The following SLMAP variants were observed in gnomAD, a reference collection of about 807,000 sequenced individuals.
The protein encoded by SLMAP is sarcolemma associated protein.
In SLMAP, 44 loss-of-function variants were observed where a neutral mutation model predicts 128.8. The observed-to-expected ratio is 0.34, with a 90% confidence interval of 0.27 to 0.44. The LOEUF is 0.44. Among genes scored for constraint, SLMAP ranks in the 20% least tolerant of loss-of-function variants. The pLI, the probability that SLMAP is intolerant of heterozygous loss-of-function variation, is 1.00. For synonymous variants in SLMAP, 327 were observed against 348.8 expected, an observed-to-expected ratio of 0.94 and a Z score of 0.70; for missense variants, 787 against 985.3, an observed-to-expected ratio of 0.80 and a Z score of 2.69.
intron 2 of SLMAP, chr3:57,801,011 G>A: frequency 3.8e-6 from 1 of 262,966 alleles, no homozygotes; most frequent in South Asian, 5.3e-5. Context: ...TCTTTGTCCT[G>A]TAAGCTCTAC....
chr3:57,839,588 C>T (rs1042603124), intron 3 of SLMAP, among the ~76,000 whole-genome samples: 6 of 151,568 alleles, frequency 4.0e-5, no homozygotes, highest in African/African-American at 7.3e-5. Flanking sequence ...ATTGCAGGCA[C>T]CTGCCACCAT....
At chr3:57,884,191 T>C (rs1308311564) in intron 14 of SLMAP, among the ~76,000 whole-genome samples, 1 of 152,088 alleles carries the variant, frequency 6.6e-6, no homozygotes, top group Non-Finnish European at 1.5e-5. Context: ...GGTCTCCCAA[T>C]GTGCTGGGAT....
chr3:57,841,658 A>C (rs1248480427), intron 4 of SLMAP, among the ~76,000 whole-genome samples: 1 of 152,112 alleles, frequency 6.6e-6, no homozygotes, highest in Non-Finnish European at 1.5e-5. Context: ...ACAATGTTTC[A>C]AGTATATAAG....
intron 2 of SLMAP, among the ~76,000 whole-genome samples, chr3:57,771,791 A>T (rs1351784654): frequency 6.6e-6 from 1 of 152,162 alleles, no homozygotes; most frequent in Non-Finnish European, 1.5e-5. Context: ...TGAATGCGTG[A>T]AACTTTTTTG....
chr3:57,829,337 A>C (rs563928365), intron 2 of SLMAP, among the ~76,000 whole-genome samples: 7 of 152,178 alleles, frequency 4.6e-5, no homozygotes, highest in Non-Finnish European at 1.0e-4. Flanking sequence ...GTAACCCACT[A>C]ATGTATCAGA....
At chr3:57,921,897 G>A (rs924598482) in intron 22 of SLMAP, among the ~76,000 whole-genome samples, 2 of 152,080 alleles carry the variant, frequency 1.3e-5, no homozygotes, top group Admixed American at 6.5e-5. Context: ...TAGAGGTGGG[G>A]TTTTGCCATG....
chr3:57,877,348 T>A (rs531913474), intron 14 of SLMAP, among the ~76,000 whole-genome samples: 1 of 152,342 alleles, frequency 6.6e-6, no homozygotes, highest in Non-Finnish European at 1.5e-5. Context: ...TTTTCATCAC[T>A]CTGTGAGGTC....
At chr3:57,761,396 G>A (rs2078607655) in intron 2 of SLMAP, among the ~76,000 whole-genome samples, 3 of 151,990 alleles carry the variant, frequency 2.0e-5, no homozygotes, top group Admixed American at 6.6e-5. Flanking sequence ...CTGGATTCAA[G>A]AGATTCTCCT....
At position 57,780,163 on chromosome 3, in the gene SLMAP, T is replaced by C. The variant is rs2082731641; in HGVS notation, c.198+22314T>C. Among the ~76,000 whole-genome samples the C allele has an allele frequency of 2.6e-5, 4 of 152,158 alleles. No individual in the cohort carries two copies. In the South Asian group the frequency reaches 8.3e-4, roughly 32 times the overall value. On this transcript the variant is annotated intron_variant, in intron 2 of 24. Coordinates refer to ENST00000671191, the MANE Select transcript of SLMAP (RefSeq NM_001377540.1). ...CCCTGCCCCTCCCTTCTTTTTTTTT[T>C]TGAGACAGGGTCTTGCTCTGTTGCC...
intron 14 of SLMAP, among the ~76,000 whole-genome samples, chr3:57,880,097 T>C (rs1395292948): frequency 5.3e-5 from 8 of 152,198 alleles, no homozygotes; most frequent in African/African-American, 1.9e-4. Context: ...TGGGCTGCAG[T>C]CACATAGATA....
At position 57,864,563 on chromosome 3, in the gene SLMAP, CAA is replaced by C; in HGVS notation, c.983_984del (p.Gln328ArgfsTer10). On this transcript the variant is annotated frameshift_variant, in exon 11 of 25. Transcript: ENST00000671191. LOFTEE classifies it high-confidence loss of function. ...SDKLKVAEGK[Q>X]EEIQQKGQAE... ...ATTTTTCTAGGTAGCAGAGGGAAAA[CAA>C]GAGGAAATCCAACAGAAGGGACAGG... is the stretch of plus-strand genomic sequence containing the variant. 4 of 1,567,706 alleles carry C rather than the reference CAA, an allele frequency of 2.6e-6. No homozygotes were observed. Among genetic ancestry groups the C allele is most frequent in the Non-Finnish European group, 3.4e-6 (4 of 1,166,612 alleles).
intron 2 of SLMAP, among the ~76,000 whole-genome samples, chr3:57,764,146 C>G (rs1418638197): frequency 6.6e-6 from 1 of 151,960 alleles, no homozygotes; most frequent in African/African-American, 2.4e-5. Context: ...GGATGTGGAC[C>G]CTTGGGTTAT....
At chr3:57,813,452 A>G (rs1675386) in intron 2 of SLMAP, among the ~76,000 whole-genome samples, 152,198 of 152,310 alleles carry the variant, frequency 1, 76,043 homozygotes, top group Middle Eastern at 1. Flanking sequence ...AGTTGTATCA[A>G]TTTATAGTCT....
rs140982905 is a variant in SLMAP, at chr3:57,912,669, A to T, written c.1988A>T (p.Asp663Val). 3 of 1,613,002 alleles carry T rather than the reference A, an allele frequency of 1.9e-6. No individual in the cohort carries two copies. The highest frequency in any genetic ancestry group is 2.7e-5 in the African/African-American group (2 of 75,044). ...SFQLRCQQCE[D>V]QQREEATRLQ... ...CAGCTTAGATGTCAACAGTGTGAGG[A>T]CCAGCAGAGAGAAGAAGCAACAAGG... is the stretch of plus-strand genomic sequence containing the variant. The change falls in exon 20 of 25, where the codon GAC becomes GTC. Residue 663 changes from aspartate to valine, a missense_variant. This residue lies in a region of SLMAP where 715 missense variants were observed against 843.6 expected (regional missense o/e 0.85). Transcript: ENST00000671191.
rs1467125830 is a variant in SLMAP at position 57,896,305 on chromosome 3, A to T, written c.1361-206A>T. 3.1e-6 allele frequency: 4 copies of T among 1,289,464 alleles called. No homozygotes were observed. The East Asian group carries it at 1.0e-4, about 33-fold the overall frequency. 79.9% of individuals were successfully genotyped at this position (1,289,464 alleles called of 1,614,324 possible). On this transcript the variant is annotated intron_variant, in intron 15 of 24. Coordinates refer to ENST00000671191, the MANE Select transcript of SLMAP (RefSeq NM_001377540.1). The stretch of plus-strand genomic sequence containing the variant: ...GCCCTCAGCAAAGCAGACATGATCC[A>T]CATTATAATTTAATATGAGCTACGT...
chr3:57,923,366 C>G (rs2096949533), intron 23 of SLMAP, among the ~76,000 whole-genome samples: 1 of 152,168 alleles, frequency 6.6e-6, no homozygotes, highest in African/African-American at 2.4e-5. Context: ...GGAAATGAAG[C>G]ATTGTACCAC....
chr3:57,814,723 C>T (rs1456034940), intron 2 of SLMAP, among the ~76,000 whole-genome samples: 1 of 151,966 alleles, frequency 6.6e-6, no homozygotes, highest in Non-Finnish European at 1.5e-5. Context: ...GGTGTATTCC[C>T]AGGACTTTGG....
intron 15 of SLMAP, 159 bp from the exon 16 acceptor site, chr3:57,896,352 T>G: frequency 7.3e-6 from 10 of 1,368,578 alleles, no homozygotes; most frequent in Non-Finnish European, 9.4e-6. Context: ...CATTCCATTT[T>G]GGACAAGGGT....
intron 18 of SLMAP, among the ~76,000 whole-genome samples, chr3:57,908,386 G>A (rs2096617570): frequency 6.6e-6 from 1 of 152,218 alleles, no homozygotes; most frequent in Non-Finnish European, 1.5e-5. Flanking sequence ...TCATAAGCCA[G>A]TGGAGTCTGT....
Sources: gnomAD v4.1 joint callset for allele counts (sites outside exome capture counted in the v4.1 genomes callset) on GRCh38, gnomAD v4.1.1 for gene constraint, gnomAD v4.1.1 regional missense constraint, MANE v1.5 for transcripts, NCBI Gene and HGNC (gene_info 2026-07-23, HGNC 2026-07-21) for gene names.